SPIDR: variants seen among roughly 807,000 people sequenced by gnomAD.
The protein encoded by SPIDR is DNA repair-scaffolding protein.
Under a neutral mutation model 104.6 loss-of-function variants are expected in SPIDR, and 93 were observed. The ratio of observed to expected loss-of-function variants is 0.89; its 90% CI spans 0.75 to 1.06. The LOEUF (loss-of-function observed/expected upper bound fraction) is 1.06, where lower values mean the gene tolerates loss of function less well. Ranked by LOEUF, SPIDR falls within the 50% of genes least tolerant of loss-of-function variation. The probability of loss-of-function intolerance (pLI) is 0.00; values close to 1 mark genes in which losing one functional copy is unlikely to be tolerated. For synonymous variants in SPIDR, 431 were observed against 416.9 expected, an observed-to-expected ratio of 1.03 and a Z score of -0.41; for missense variants, 1,154 against 1,111.2, an observed-to-expected ratio of 1.04 and a Z score of -0.55.
intron 14 of SPIDR, among the ~76,000 whole-genome samples, chr8:47,706,390 C>T (rs1326397578): frequency 1.3e-5 from 2 of 152,102 alleles, no homozygotes; most frequent in Admixed American, 1.3e-4. Flanking sequence ...GAGACTCTGT[C>T]TCAACAACAA....
At chr8:47,450,482 G>T (rs2071503064) in intron 8 of SPIDR, among the ~76,000 whole-genome samples, 1 of 152,172 alleles carries the variant, frequency 6.6e-6, no homozygotes, top group East Asian at 1.9e-4. Flanking sequence ...AACACATTCA[G>T]ACTATAGCAG....
chr8:47,411,970 T>A (rs1474543482), intron 7 of SPIDR, among the ~76,000 whole-genome samples: 1 of 152,226 alleles, frequency 6.6e-6, no homozygotes, highest in Non-Finnish European at 1.5e-5. Context: ...GTTGTAGATA[T>A]GCAGCATTAT....
At chr8:47,413,260 T>C (rs1554673101) in intron 7 of SPIDR, among the ~76,000 whole-genome samples, 1 of 152,270 alleles carries the variant, frequency 6.6e-6, no homozygotes, top group Non-Finnish European at 1.5e-5. Flanking sequence ...TTTTTCCACA[T>C]GAGGAGATGG....
At chr8:47,291,890 C>T (rs2039970386) in intron 4 of SPIDR, among the ~76,000 whole-genome samples, 1 of 152,160 alleles carries the variant, frequency 6.6e-6, no homozygotes, top group Non-Finnish European at 1.5e-5. Flanking sequence ...CAATTGAAAG[C>T]AGAGTTTCTC....
At chr8:47,298,693 C>A (rs1452003481) in intron 5 of SPIDR, among the ~76,000 whole-genome samples, 1 of 152,170 alleles carries the variant, frequency 6.6e-6, no homozygotes, top group Non-Finnish European at 1.5e-5. Flanking sequence ...TTTCCCAGCA[C>A]CATTTGTAAA....
chr8:47,383,237 A>G (rs2059526966), intron 5 of SPIDR, among the ~76,000 whole-genome samples: 1 of 152,130 alleles, frequency 6.6e-6, no homozygotes, highest in Non-Finnish European at 1.5e-5. Flanking sequence ...AACTCCAAAT[A>G]GTATTTTATT....
At chr8:47,434,590 A>T (rs1022848575) in intron 7 of SPIDR, among the ~76,000 whole-genome samples, 3 of 152,328 alleles carry the variant, frequency 2.0e-5, no homozygotes, top group Admixed American at 6.5e-5. Context: ...TATGAAAAGT[A>T]TTTCTGTTAG....
chr8:47,602,617 A>G (rs2062431887), intron 10 of SPIDR, among the ~76,000 whole-genome samples: 1 of 152,176 alleles, frequency 6.6e-6, no homozygotes. Flanking sequence ...TTCTGTCTTA[A>G]GTTTACTTCA....
intron 5 of SPIDR, among the ~76,000 whole-genome samples, chr8:47,303,067 C>T (rs9643810): frequency 2.0e-5 from 3 of 152,336 alleles, no homozygotes; most frequent in Admixed American, 6.5e-5. Flanking sequence ...GGCAGGCAGG[C>T]CTCCTTGAGC....
intron 10 of SPIDR, among the ~76,000 whole-genome samples, chr8:47,608,128 T>C (rs1386517491): frequency 6.6e-6 from 1 of 152,216 alleles, no homozygotes; most frequent in Non-Finnish European, 1.5e-5. Flanking sequence ...TCCCAGCCCC[T>C]GGCAACCACT....
intron 7 of SPIDR, among the ~76,000 whole-genome samples, chr8:47,418,234 A>T (rs1490259283): frequency 1.3e-5 from 2 of 152,178 alleles, no homozygotes; most frequent in African/African-American, 2.4e-5. Flanking sequence ...TTTTCCCAAT[A>T]TTGATTCTTC....
chr8:47,324,636 T>C (rs1339490304), intron 5 of SPIDR, among the ~76,000 whole-genome samples: 2 of 150,892 alleles, frequency 1.3e-5, no homozygotes, highest in Non-Finnish European at 3.0e-5. Context: ...TTGGTTATGG[T>C]TAAATGGTTC....
At chr8:47,634,780 C>T (rs755885413) in intron 10 of SPIDR, among the ~76,000 whole-genome samples, 3 of 152,222 alleles carry the variant, frequency 2.0e-5, no homozygotes, top group Admixed American at 1.3e-4. Context: ...CATCCTCTCA[C>T]GCCTGGGCCA....
intron 10 of SPIDR, among the ~76,000 whole-genome samples, chr8:47,613,821 A>G (rs575840445): frequency 6.6e-6 from 1 of 152,070 alleles, no homozygotes; most frequent in Non-Finnish European, 1.5e-5. Flanking sequence ...TTAAAATTAT[A>G]TTGTATTTTT....
intron 9 of SPIDR, among the ~76,000 whole-genome samples, 159 bp downstream of exon 9, chr8:47,596,165 T>C (rs1228489731): frequency 6.6e-6 from 1 of 152,232 alleles, no homozygotes; most frequent in African/African-American, 2.4e-5. Flanking sequence ...CGCCTGAATA[T>C]ATTATAGTTC....
intron 5 of SPIDR, among the ~76,000 whole-genome samples, chr8:47,314,868 C>T (rs1437499539): frequency 1.3e-5 from 2 of 152,112 alleles, no homozygotes; most frequent in African/African-American, 4.8e-5. Context: ...GGATAGAAAA[C>T]AAGACTTCCT....
At chr8:47,402,318 T>C (rs2062018510) in intron 6 of SPIDR, among the ~76,000 whole-genome samples, 1 of 152,076 alleles carries the variant, frequency 6.6e-6, no homozygotes, top group Non-Finnish European at 1.5e-5. Context: ...AGCCAACACA[T>C]TCAAAAGCTA....
rs376335396 is a variant in SPIDR at position 47,710,139 on chromosome 8, A to G, written c.1978-2523A>G. On this transcript the variant is annotated intron_variant, in intron 14 of 19. Transcript: ENST00000297423. The stretch of plus-strand genomic sequence containing the variant: ...GTGATCCACCCGCCTTGGTCTCCCA[A>G]TGTGCTGGGATTACCACGCCTGGCC... Among the ~76,000 whole-genome samples, 10 of 152,254 alleles carry G rather than the reference A, an allele frequency of 6.6e-5. No individual in the cohort carries two copies. In the East Asian group the frequency reaches 9.7e-4, roughly 15 times the overall value.
intron 10 of SPIDR, among the ~76,000 whole-genome samples, chr8:47,668,473 A>T (rs1212484806): frequency 6.8e-6 from 1 of 148,042 alleles, no homozygotes; most frequent in African/African-American, 2.5e-5. Context: ...TCATGATTTA[A>T]AAAAAAAAAA....
Sources: gnomAD v4.1 joint callset for allele counts (sites outside exome capture counted in the v4.1 genomes callset) on GRCh38, gnomAD v4.1.1 for gene constraint, MANE v1.5 for transcripts, NCBI Gene and HGNC (gene_info 2026-07-23, HGNC 2026-07-21) for gene names.